Variants in UNC80 observed in about 807,000 individuals in gnomAD.
The protein encoded by UNC80 is unc-80 subunit of NALCN channel complex, also known as protein unc-80 homolog.
Under a neutral mutation model 384.6 loss-of-function variants are expected in UNC80, and 164 were observed. That is an observed-to-expected ratio of 0.43 (90% CI 0.38 to 0.49). The LOEUF (loss-of-function observed/expected upper bound fraction) is 0.49, where lower values mean the gene tolerates loss of function less well. UNC80 is among the 20% of genes least tolerant of loss of function. The pLI is 0.00. For missense variants in UNC80, 3,330 were observed against 4,143.0 expected, an observed-to-expected ratio of 0.80 and a Z score of 5.39; for synonymous variants, 1,486 against 1,527.8, an observed-to-expected ratio of 0.97 and a Z score of 0.64.
chr2:209,972,067 A>T lies in UNC80; in HGVS notation c.8257-134A>T, dbSNP rs1367828383. On this transcript the variant is annotated intron_variant, in intron 54 of 64. Transcript: ENST00000673920. ...GTTTTGAGTGAAGCTTGTATGCTGT[A>T]CAGACAACAATTGAACTCATAGTTT... 3 of 1,099,044 alleles carry T rather than the reference A, an allele frequency of 2.7e-6. No individual in the cohort carries two copies. In the African/African-American group the frequency reaches 4.8e-5, roughly 18 times the overall value. The allele number at this position is 1,099,044 out of a possible 1,614,324, so 68.1% of individuals were successfully genotyped here. A position where few individuals can be genotyped will look rare whatever the true frequency, so the allele number is the denominator to read the frequency against.
chr2:209,974,061 G>C lies in UNC80; in HGVS notation c.8587+791G>C, dbSNP rs2092949412. On this transcript the variant is annotated intron_variant, in intron 56 of 64. Transcript: ENST00000673920. ...GCAGGAAAAGACCACTCTTGCCATAGCGCTGAGAATAAGTGGCACTGGCAG... is the reference window on the plus strand; with the variant it reads ...GCAGGAAAAGACCACTCTTGCCATACCGCTGAGAATAAGTGGCACTGGCAG... 2.6e-5 allele frequency among the ~76,000 whole-genome samples: 4 copies of C among 152,286 alleles called. 1 individual carries two copies. In the South Asian group the frequency reaches 8.3e-4, roughly 32 times the overall value.
chr2:209,939,751 A>G (rs2124976996), intron 43 of UNC80, 99 bp downstream of exon 43: 1 of 1,146,158 alleles, frequency 8.7e-7, no homozygotes, highest in South Asian at 2.0e-5. Flanking sequence ...GTTTTAGGGT[A>G]CATGTGCTCA....
intron 7 of UNC80, chr2:209,808,863 C>A: frequency 7.0e-6 from 2 of 286,136 alleles, no homozygotes; most frequent in Non-Finnish European, 6.8e-6. Context: ...CCAACTACAG[C>A]AAACTGCCGG....
chr2:209,939,651 A>G lies in UNC80; in HGVS notation c.6645A>G (p.Gln2215=), dbSNP rs1243821437. The G allele has an allele frequency of 1.3e-6, 2 of 1,545,310 alleles. No homozygotes were observed. Among genetic ancestry groups the G allele is most frequent in the African/African-American group, 2.7e-5 (2 of 73,054 alleles). ...AGTTTTCACTCTTCAGTGATCCTCA[A>G]GGTATCAAACAAAGAAACATTGCCT... The part of the protein sequence containing the change: ...DAEFSLFSDP[Q]AGKELFGLDT... The change falls in exon 43 of 65, where the codon CAA becomes CAG. Residue 2215 remains glutamine (Q), a splice_region_variant and synonymous_variant. Coordinates refer to ENST00000673920, the MANE Select transcript of UNC80 (RefSeq NM_001371986.1).
chr2:209,842,257 A>G (rs2124822737), intron 20 of UNC80, 93 bp from the exon 21 acceptor site: 1 of 920,172 alleles, frequency 1.1e-6, no homozygotes, highest in Non-Finnish European at 1.6e-6. Flanking sequence ...GAAAATGAGT[A>G]AACAACTCAT....
At chr2:209,837,312 T>C (rs879828530) in intron 18 of UNC80, among the ~76,000 whole-genome samples, 1 of 152,238 alleles carries the variant, frequency 6.6e-6, no homozygotes, top group African/African-American at 2.4e-5. Context: ...CTCTACCTTG[T>C]ACTTTCCAAA....
At chr2:209,899,915 T>A (rs1232735748) in intron 28 of UNC80, among the ~76,000 whole-genome samples, 1 of 152,222 alleles carries the variant, frequency 6.6e-6, no homozygotes, top group Non-Finnish European at 1.5e-5. Flanking sequence ...ACTAGACTAT[T>A]CAGTTTCTCC....
chr2:209,932,436 G>A (rs191630869), intron 38 of UNC80, among the ~76,000 whole-genome samples: 5 of 152,258 alleles, frequency 3.3e-5, no homozygotes, highest in African/African-American at 1.2e-4. Context: ...CTCCATCCAG[G>A]CTGGTGTGGA....
chr2:209,810,594 G>A (rs886664505), intron 7 of UNC80, among the ~76,000 whole-genome samples: 1 of 152,250 alleles, frequency 6.6e-6, no homozygotes, highest in African/African-American at 2.4e-5. Context: ...TCTCATGAAC[G>A]TGGTTCATGG....
intron 6 of UNC80, among the ~76,000 whole-genome samples, chr2:209,790,433 G>A (rs922058402): frequency 2.6e-5 from 4 of 152,242 alleles, no homozygotes; most frequent in African/African-American, 4.8e-5. Context: ...AAGTACAGAC[G>A]CTGTGATTTG....
intron 56 of UNC80, among the ~76,000 whole-genome samples, chr2:209,974,230 C>T (rs925201996): frequency 2.6e-5 from 4 of 151,906 alleles, no homozygotes; most frequent in African/African-American, 9.7e-5. Context: ...TTTGAACTGC[C>T]TTATAATGGG....
At chr2:209,911,138 G>A (rs367763656) in intron 29 of UNC80, among the ~76,000 whole-genome samples, 4 of 151,954 alleles carry the variant, frequency 2.6e-5, no homozygotes, top group African/African-American at 7.2e-5. Context: ...GAGAGAATGA[G>A]TGCAAGCAGG....
chr2:209,867,491 G>T (rs561829407), intron 22 of UNC80, among the ~76,000 whole-genome samples: 1 of 152,092 alleles, frequency 6.6e-6, no homozygotes, highest in Admixed American at 6.5e-5. Context: ...AAGCATTCTC[G>T]TAAAAGACTT....
intron 25 of UNC80, among the ~76,000 whole-genome samples, chr2:209,883,838 T>C (rs1449908404): frequency 1.3e-5 from 2 of 152,194 alleles, no homozygotes; most frequent in East Asian, 3.8e-4. Context: ...CTTAGGATAA[T>C]GTCTTCAGAG....
chr2:209,943,693 A>G (rs774922271), intron 45 of UNC80, among the ~76,000 whole-genome samples, 179 bp downstream of exon 45: 7 of 152,222 alleles, frequency 4.6e-5, no homozygotes, highest in Non-Finnish European at 1.0e-4. Flanking sequence ...AGCTTCAGGT[A>G]TGTCCTGATT....
intron 27 of UNC80, among the ~76,000 whole-genome samples, chr2:209,895,503 T>A (rs535198964): frequency 3.3e-5 from 5 of 152,348 alleles, no homozygotes; most frequent in South Asian, 2.1e-4. Flanking sequence ...GACTTTTTTT[T>A]AAAGTATATA....
Position 209,959,522 on chromosome 2 carries a change from C to A in UNC80, c.7620C>A (p.Gly2540=), listed in dbSNP as rs1361733273. Residue 2540 remains glycine, a synonymous_variant, in exon 51 of 65, where the codon GGC becomes GGA. Coordinates refer to ENST00000673920, the MANE Select transcript of UNC80 (RefSeq NM_001371986.1). The part of the protein sequence containing the change: ...ENLHLLEEGQ[G]IPREELDERI... ...TTCATTTACTGGAGGAAGGGCAAGG[C>A]ATTCCCAGAGAGGAACTGGATGAAC... 1 of 1,551,696 alleles carries A rather than the reference C, an allele frequency of 6.4e-7. No homozygotes were observed. The highest frequency in any genetic ancestry group is 8.7e-7 in the Non-Finnish European group (1 of 1,146,982).
At chr2:209,812,324 T>C (rs1331140815) in intron 7 of UNC80, among the ~76,000 whole-genome samples, 1 of 151,756 alleles carries the variant, frequency 6.6e-6, no homozygotes, top group Non-Finnish European at 1.5e-5. Context: ...CCTCCCAAAG[T>C]GCTGGGATTA....
Position 209,775,961 on chromosome 2 carries a change from A to G in UNC80, c.214A>G (p.Ile72Val), listed in dbSNP as rs755392412. ...SPALSEAIQS[I>V]SRWELVQAAL... ...AGCTCTCTCTGAAGCCATCCAGAGC[A>G]TTTCCAGATGGGAACTGGTGCAAGC... Residue 72 changes from isoleucine (I) to valine (V), a missense_variant, in exon 3 of 65, where the codon ATT (isoleucine) becomes GTT (valine). By Grantham distance (29) the Ile-to-Val change is conservative. Transcript: ENST00000673920. The G allele has an allele frequency of 1.2e-6, 2 of 1,614,148 alleles. No homozygotes were observed. The highest frequency in any genetic ancestry group is 1.7e-6 in the Non-Finnish European group (2 of 1,180,018).
Sources: gnomAD v4.1 joint callset for allele counts (sites outside exome capture counted in the v4.1 genomes callset) on GRCh38, gnomAD v4.1.1 for gene constraint, MANE v1.5 for transcripts, NCBI Gene and HGNC (gene_info 2026-07-23, HGNC 2026-07-21) for gene names.